The following POU2F3 variants were observed in gnomAD, a reference collection of about 807,000 sequenced individuals.
The protein encoded by POU2F3 is POU domain, class 2, transcription factor 3.
Under a neutral mutation model 59.2 loss-of-function variants are expected in POU2F3, and 23 were observed. The ratio of observed to expected loss-of-function variants is 0.39; its 90% confidence interval spans 0.28 to 0.55. The LOEUF (loss-of-function observed/expected upper bound fraction) is 0.55. Among genes scored for constraint, POU2F3 ranks in the 20% least tolerant of loss-of-function variants. The pLI, the probability that POU2F3 is intolerant of heterozygous loss-of-function variation, is 0.66. For synonymous variants in POU2F3, 190 were observed against 214.6 expected (o/e 0.89, Z 1.00); for missense variants, 473 against 544.5 (o/e 0.87, Z 1.31).
At chr11:120,290,425 C>A (rs1940979483) in intron 3 of POU2F3, among the ~76,000 whole-genome samples, 1 of 152,192 alleles carries the variant, frequency 6.6e-6, no homozygotes, top group Non-Finnish European at 1.5e-5. Context: ...ACAGAAGAGG[C>A]TGGAGTGAAC....
intron 3 of POU2F3, among the ~76,000 whole-genome samples, chr11:120,291,503 C>T (rs1454856288): frequency 3.9e-5 from 6 of 152,238 alleles, no homozygotes; most frequent in Non-Finnish European, 2.9e-5. Flanking sequence ...AGGCAATCAA[C>T]ACATTTTGGA....
chr11:120,246,386 C>A, intron 1 of POU2F3, 63 bp from the exon 2 acceptor site: 1 of 1,523,778 alleles, frequency 6.6e-7, no homozygotes, highest in Non-Finnish European at 9.1e-7. Context: ...TAGTTAAAGC[C>A]ACATATGTCA....
At chr11:120,258,911 C>G (rs1939476276) in intron 2 of POU2F3, 1 of 152,180 alleles carries the variant, frequency 6.6e-6, no homozygotes, top group Non-Finnish European at 1.5e-5. Context: ...GCCCAGAGGG[C>G]CCCATCTCAG....
chr11:120,259,484 A>C (rs1939503067), intron 2 of POU2F3: 2 of 152,192 alleles, frequency 1.3e-5, no homozygotes, highest in South Asian at 2.1e-4. Flanking sequence ...TGCATTTGCT[A>C]TCCACACCCT....
intron 2 of POU2F3, among the ~76,000 whole-genome samples, chr11:120,254,333 C>T (rs1939242943): frequency 6.6e-6 from 1 of 152,226 alleles, no homozygotes; most frequent in Non-Finnish European, 1.5e-5. Context: ...ACATACACTT[C>T]AGACCCCAGA....
At chr11:120,268,130 T>C (rs572997563) in intron 2 of POU2F3, among the ~76,000 whole-genome samples, 1 of 152,092 alleles carries the variant, frequency 6.6e-6, no homozygotes, top group African/African-American at 2.4e-5. Context: ...TGTTCCTTAA[T>C]AGCATAGGAG....
At position 120,297,302 on chromosome 11, in the gene POU2F3, G is replaced by A. The variant is rs575047255; in HGVS notation, c.133-963G>A. On this transcript the variant is annotated intron_variant, in intron 3 of 12. Transcript: ENST00000543440. Reference sequence around the variant, plus strand: ...TTCCTGCCCTGCCCTGGGACACCTGGGAAGCCCACGCATGGGTGGTTAGTA... The same window carrying A: ...TTCCTGCCCTGCCCTGGGACACCTGAGAAGCCCACGCATGGGTGGTTAGTA... 2.6e-5 allele frequency among the ~76,000 whole-genome samples: 4 copies of A among 152,346 alleles called. No homozygotes were observed. The East Asian group carries it at 7.7e-4, about 29-fold the overall frequency.
intron 2 of POU2F3, among the ~76,000 whole-genome samples, chr11:120,252,778 C>T (rs1345894647): frequency 6.6e-6 from 1 of 152,112 alleles, no homozygotes; most frequent in East Asian, 1.9e-4. Flanking sequence ...ACGCCAACAC[C>T]CAGGACTAGG....
At chr11:120,269,015 T>C (rs1939951685) in intron 2 of POU2F3, among the ~76,000 whole-genome samples, 195 bp from the exon 3 acceptor site, 1 of 152,136 alleles carries the variant, frequency 6.6e-6, no homozygotes, top group South Asian at 2.1e-4. Flanking sequence ...TTTACCCAGC[T>C]ATCACCACCC....
Position 120,317,481 on chromosome 11 carries a change from G to C in POU2F3, c.1271+117G>C, listed in dbSNP as rs1941819728. 6.3e-6 allele frequency: 9 copies of C among 1,420,664 alleles called. No homozygotes were observed. The South Asian group carries it at 1.1e-4, about 18-fold the overall frequency. 88.0% of individuals were successfully genotyped at this position (1,420,664 alleles called of 1,614,324 possible). ...TAGAAAGGGTTGGAAAAGAGGAATG[G>C]GGTGGCACAGAGAGGACAGAGTGAC... On this transcript the variant is annotated intron_variant, in intron 12 of 12. Coordinates refer to ENST00000543440, the MANE Select transcript of POU2F3 (RefSeq NM_014352.4).
At chr11:120,273,124 A>C (rs1336874119) in intron 3 of POU2F3, among the ~76,000 whole-genome samples, 1 of 152,224 alleles carries the variant, frequency 6.6e-6, no homozygotes, top group Non-Finnish European at 1.5e-5. Flanking sequence ...GTGAGGGGAA[A>C]TATGTCACAT....
chr11:120,306,269 A>G (rs767417067), intron 8 of POU2F3, among the ~76,000 whole-genome samples: 9 of 152,144 alleles, frequency 5.9e-5, no homozygotes, highest in Non-Finnish European at 1.3e-4. Flanking sequence ...ACTGCAACCC[A>G]TGCTGGTCAG....
At chr11:120,291,591 C>G (rs977931101) in intron 3 of POU2F3, among the ~76,000 whole-genome samples, 1 of 152,232 alleles carries the variant, frequency 6.6e-6, no homozygotes, top group African/African-American at 2.4e-5. Context: ...ATCACACACA[C>G]AGAGAGTGAG....
At chr11:120,274,688 T>C (rs534361345) in intron 3 of POU2F3, among the ~76,000 whole-genome samples, 23 of 152,158 alleles carry the variant, frequency 1.5e-4, no homozygotes, top group Admixed American at 9.8e-4. Context: ...CAGGCAGGAC[T>C]GAAGATGCAT....
At chr11:120,253,576 A>G (rs1939209376) in intron 2 of POU2F3, 1 of 152,190 alleles carries the variant, frequency 6.6e-6, no homozygotes, top group Non-Finnish European at 1.5e-5. Flanking sequence ...CTAAGTTCTT[A>G]TACTCACTCT....
At chr11:120,282,750 T>C (rs1940622746) in intron 3 of POU2F3, among the ~76,000 whole-genome samples, 1 of 152,264 alleles carries the variant, frequency 6.6e-6, no homozygotes, top group Non-Finnish European at 1.5e-5. Flanking sequence ...ATATCATCTA[T>C]AGGCTTTGCT....
At chr11:120,278,745 T>C (rs546116021) in intron 3 of POU2F3, among the ~76,000 whole-genome samples, 1 of 152,256 alleles carries the variant, frequency 6.6e-6, no homozygotes, top group East Asian at 1.9e-4. Context: ...TAACTCTCCA[T>C]GGACACAAGG....
chr11:120,272,605 C>A (rs1348169118), intron 3 of POU2F3, among the ~76,000 whole-genome samples: 1 of 152,196 alleles, frequency 6.6e-6, no homozygotes. Context: ...TTGGTGCAGC[C>A]AGATTCTGGG....
In POU2F3 at chr11:120,305,765, A is replaced by T; in HGVS notation, c.749A>T (p.Glu250Val). The change falls in exon 8 of 13, where the codon GAG becomes GTG. Residue 250 changes from glutamate to valine, a missense_variant. Coordinates refer to ENST00000543440, the MANE Select transcript of POU2F3 (RefSeq NM_014352.4). ...ATGTGCAAGCTCAAGCCCCTGCTGGAGAAGTGGCTGAATGATGCAGGTAGG... is the reference window on the plus strand; with the variant it reads ...ATGTGCAAGCTCAAGCCCCTGCTGGTGAAGTGGCTGAATGATGCAGGTAGG... ...KNMCKLKPLL[E>V]KWLNDAESSP... 1 of 1,613,742 alleles carries T rather than the reference A, an allele frequency of 6.2e-7. No individual in the cohort carries two copies. Among genetic ancestry groups the T allele is most frequent in the Non-Finnish European group, 8.5e-7 (1 of 1,180,014 alleles).
Sources: gnomAD v4.1 joint callset for allele counts (sites outside exome capture counted in the v4.1 genomes callset) on GRCh38, gnomAD v4.1.1 for gene constraint, MANE v1.5 for transcripts, NCBI Gene and HGNC (gene_info 2026-07-23, HGNC 2026-07-21) for gene names.